FANK1: variants seen among roughly 807,000 people sequenced by gnomAD.
The protein encoded by FANK1 is fibronectin type 3 and ankyrin repeat domains protein 1.
FANK1 carries 44 observed loss-of-function variants against 45.3 expected under a neutral mutation model. The ratio of observed to expected loss-of-function variants is 0.97; its 90% CI spans 0.76 to 1.25. The LOEUF is 1.25. FANK1 is among the 50% of genes most tolerant of loss of function. FANK1 has a pLI of 0.00. For synonymous variants in FANK1, 149 were observed against 152.5 expected (o/e 0.98, Z 0.17); for missense variants, 391 against 424.4 (o/e 0.92, Z 0.69).
intron 1 of FANK1, among the ~76,000 whole-genome samples, chr10:125,911,453 T>C (rs1320438039): frequency 6.6e-6 from 1 of 152,238 alleles, no homozygotes; most frequent in African/African-American, 2.4e-5. Flanking sequence ...TAACTAATTA[T>C]AGCAGCAATA....
intron 6 of FANK1, 52 bp downstream of exon 6, chr10:125,997,537 G>C (rs1283147930): frequency 1.9e-6 from 3 of 1,558,292 alleles, no homozygotes; most frequent in Non-Finnish European, 2.6e-6. Context: ...GAATTGTGTT[G>C]CTAGGCTTGT....
At chr10:125,996,420 G>T in intron 4 of FANK1, 130 bp from the exon 5 acceptor site, 1 of 713,766 alleles carries the variant, frequency 1.4e-6, no homozygotes. Flanking sequence ...AAGATTTAAT[G>T]GCCACAAAGA....
chr10:125,991,201 G>A (rs544973066), intron 3 of FANK1, among the ~76,000 whole-genome samples: 5 of 152,078 alleles, frequency 3.3e-5, no homozygotes, highest in African/African-American at 1.2e-4. Context: ...GCTTCCATGA[G>A]TAATTAGATG....
chr10:125,908,638 T>C (rs59954878), intron 1 of FANK1, among the ~76,000 whole-genome samples: 3,703 of 152,172 alleles, frequency 0.024, 160 homozygotes, highest in African/African-American at 0.083. Context: ...AGACTATACA[T>C]TGGGTACAGT....
At chr10:125,945,759 G>A (rs1034329546) in intron 1 of FANK1, among the ~76,000 whole-genome samples, 1 of 152,226 alleles carries the variant, frequency 6.6e-6, no homozygotes, top group African/African-American at 2.4e-5. Flanking sequence ...ACAACTCAAG[G>A]AGGCCTGCCT....
chr10:125,986,915 C>A (rs1254483671), intron 2 of FANK1, among the ~76,000 whole-genome samples: 2 of 152,182 alleles, frequency 1.3e-5, no homozygotes, highest in Non-Finnish European at 2.9e-5. Flanking sequence ...TGTTCTTTAG[C>A]CACACACTTT....
chr10:125,950,827 A>T (rs1427494695), intron 1 of FANK1, among the ~76,000 whole-genome samples: 3 of 147,106 alleles, frequency 2.0e-5, no homozygotes, highest in Non-Finnish European at 4.5e-5. Context: ...ACAATTGCAA[A>T]GACTTGGAAC....
At chr10:125,963,450 C>A (rs528817980) in intron 1 of FANK1, among the ~76,000 whole-genome samples, 1 of 152,154 alleles carries the variant, frequency 6.6e-6, no homozygotes, top group East Asian at 1.9e-4. Context: ...TGCACAGGTA[C>A]GTTTATTGCG....
intron 1 of FANK1, among the ~76,000 whole-genome samples, chr10:125,969,301 CTT>C (rs1950350972): frequency 6.7e-6 from 1 of 149,402 alleles, no homozygotes; most frequent in South Asian, 2.1e-4. Context: ...TAAAGCCTGA[CTT>C]TGTGATGAAA....
rs1297708493 is a variant in FANK1 at position 125,949,103 on chromosome 10, T to C, written c.14-31058T>C. ...CTAAAAACTCTCAATAAATTAGGTA[T>C]TGATGGGATGTATTTCAAAATAATA... On this transcript the variant is annotated intron_variant, in intron 1 of 10. Transcript: ENST00000368693. Among the ~76,000 whole-genome samples, 5 of 152,030 alleles carry C rather than the reference T, an allele frequency of 3.3e-5. No homozygotes were observed. The East Asian group carries it at 7.7e-4, about 23-fold the overall frequency.
chr10:125,965,657 C>G (rs1950167288), intron 1 of FANK1, among the ~76,000 whole-genome samples: 1 of 152,202 alleles, frequency 6.6e-6, no homozygotes, highest in African/African-American at 2.4e-5. Context: ...TCTCTGTCCT[C>G]ATCTATAAAT....
At chr10:125,934,937 T>C (rs1947996184) in intron 1 of FANK1, among the ~76,000 whole-genome samples, 1 of 152,080 alleles carries the variant, frequency 6.6e-6, no homozygotes, top group Non-Finnish European at 1.5e-5. Flanking sequence ...TGGGCCTGGC[T>C]GAGCTGTGGC....
intron 1 of FANK1, among the ~76,000 whole-genome samples, chr10:125,905,793 G>A (rs1319323735): frequency 6.6e-6 from 1 of 152,308 alleles, no homozygotes; most frequent in East Asian, 1.9e-4. Flanking sequence ...AAAAGTTTCT[G>A]CAGCCTGAAG....
chr10:125,997,330 G>T, intron 5 of FANK1, 90 bp from the exon 6 acceptor site: 1 of 971,130 alleles, frequency 1.0e-6, no homozygotes. Context: ...ATACATCTTG[G>T]ATGCTGTGTT....
chr10:125,979,114 G>A (rs1951033435), intron 1 of FANK1, among the ~76,000 whole-genome samples: 1 of 152,130 alleles, frequency 6.6e-6, no homozygotes, highest in South Asian at 2.1e-4. Flanking sequence ...CGCTCATTCG[G>A]TCATTGCTTC....
intron 6 of FANK1, among the ~76,000 whole-genome samples, chr10:126,002,094 C>T (rs184081157): frequency 2.0e-5 from 3 of 151,906 alleles, no homozygotes; most frequent in African/African-American, 4.8e-5. Context: ...AGGCGGATCA[C>T]GAGGTCAGGA....
At chr10:125,970,659 C>A (rs1001317895) in intron 1 of FANK1, among the ~76,000 whole-genome samples, 10 of 152,314 alleles carry the variant, frequency 6.6e-5, no homozygotes, top group South Asian at 4.1e-4. Context: ...CCAAAAAATA[C>A]AAAAACCAGT....
intron 2 of FANK1, among the ~76,000 whole-genome samples, chr10:125,986,701 C>T (rs1951581522): frequency 6.6e-6 from 1 of 152,210 alleles, no homozygotes; most frequent in African/African-American, 2.4e-5. Context: ...TCTCACTTGA[C>T]ATCAGAGATA....
chr10:125,938,703 G>A (rs923582155), intron 1 of FANK1, among the ~76,000 whole-genome samples: 1 of 152,092 alleles, frequency 6.6e-6, no homozygotes, highest in African/African-American at 2.4e-5. Context: ...TGGCTACTTG[G>A]GAGGCTGAGG....
Sources: allele counts gnomAD v4.1 joint callset (sites outside exome capture counted in the v4.1 genomes callset), GRCh38; gene constraint gnomAD v4.1.1; transcripts MANE v1.5; gene names NCBI Gene and HGNC (gene_info 2026-07-23, HGNC 2026-07-21).